CACNA1C: variants seen among roughly 807,000 people sequenced by gnomAD.
The protein encoded by CACNA1C is voltage-dependent L-type calcium channel subunit alpha-1C.
In CACNA1C, 30 loss-of-function variants were observed where a neutral mutation model predicts 229.0. That is an observed-to-expected ratio of 0.13 (90% CI 0.10 to 0.18). The LOEUF (loss-of-function observed/expected upper bound fraction) is 0.18. Among genes scored for constraint, CACNA1C ranks in the 10% least tolerant of loss-of-function variants. CACNA1C has a pLI of 1.00. For missense variants in CACNA1C, 1,658 were observed against 2,845.0 expected, an observed-to-expected ratio of 0.58 and a Z score of 9.49; for synonymous variants, 1,114 against 1,132.5, an observed-to-expected ratio of 0.98 and a Z score of 0.33.
intron 7 of CACNA1C, among the ~76,000 whole-genome samples, chr12:2,502,790 C>G (rs918967330): frequency 6.6e-6 from 1 of 152,214 alleles, no homozygotes; most frequent in Non-Finnish European, 1.5e-5. Flanking sequence ...GCTGCTGAAG[C>G]TGCAAAGCCC....
intron 1 of CACNA1C, among the ~76,000 whole-genome samples, chr12:2,044,436 CA>C (rs139642682): frequency 0.05 from 7,680 of 152,246 alleles, 268 homozygotes; most frequent in Middle Eastern, 0.078. Context: ...TATTATGGAG[CA>C]ATGACCTCTC....
intron 3 of CACNA1C, among the ~76,000 whole-genome samples, chr12:2,327,324 C>A (rs116299849): frequency 6.6e-6 from 1 of 152,190 alleles, no homozygotes; most frequent in Admixed American, 6.5e-5. Context: ...GCAGATCTTA[C>A]GAAATGAAAC....
At chr12:2,162,235 C>T in intron 3 of CACNA1C, among the ~76,000 whole-genome samples, 1 of 151,968 alleles carries the variant, frequency 6.6e-6, no homozygotes, top group Non-Finnish European at 1.5e-5. Context: ...TTAATGAGCT[C>T]CACAAGCACC....
chr12:2,531,285 G>A (rs1262616085), intron 9 of CACNA1C, among the ~76,000 whole-genome samples: 3 of 152,146 alleles, frequency 2.0e-5, no homozygotes, highest in Non-Finnish European at 4.4e-5. Context: ...CAAGCACATG[G>A]TAACCCCCCA....
intron 3 of CACNA1C, among the ~76,000 whole-genome samples, chr12:2,367,169 G>A (rs2097746700): frequency 1.3e-5 from 2 of 152,218 alleles, no homozygotes; most frequent in Non-Finnish European, 2.9e-5. Context: ...TTCCACCTCA[G>A]ATCATCAGGC....
intron 26 of CACNA1C, chr12:2,607,861 T>G (rs2076051669): frequency 6.6e-6 from 1 of 152,254 alleles, no homozygotes; most frequent in African/African-American, 2.4e-5. Context: ...GTCACATTAT[T>G]ATGTGGTAAG....
intron 1 of CACNA1C, among the ~76,000 whole-genome samples, chr12:2,008,125 A>AT (rs1469196465): frequency 9.2e-5 from 14 of 151,780 alleles, no homozygotes; most frequent in Admixed American, 1.3e-4. Flanking sequence ...TTATTTATTT[A>AT]TTTATTTTTT....
chr12:2,159,364 GT>G (rs2095717263), intron 3 of CACNA1C, among the ~76,000 whole-genome samples: 2 of 151,868 alleles, frequency 1.3e-5, no homozygotes, highest in African/African-American at 2.4e-5. Context: ...GTGTGGTAAC[GT>G]GTGCCTGTGG....
rs1565725129 is a variant in CACNA1C at position 2,106,885 on chromosome 12, GCATCCTGAA to G, written c.50-8338_50-8330del. On this transcript the variant is annotated intron_variant, in intron 1 of 46. Coordinates refer to ENST00000399655, the MANE Select transcript of CACNA1C (RefSeq NM_000719.7). ...TGGAGAGGGTTTCCACCTCAGCTGG[GCATCCTGAA>G]GCCACTGGGCGCCCACCCCGGGGAG... Among the ~76,000 whole-genome samples the G allele has an allele frequency of 6.9e-4, 51 of 73,700 alleles. 4 individuals are homozygous for G. The highest frequency in any genetic ancestry group is 1.0e-3 in the South Asian group (2 of 1,974). The allele number at this position is 73,700 out of a possible 152,430, so 48.4% of individuals were successfully genotyped here.
At position 2,034,625 on chromosome 12, in the gene CACNA1C, T is replaced by C. The variant is rs1161244585; in HGVS notation, c.139+63424T>C. Among the ~76,000 whole-genome samples the C allele has an allele frequency of 6.6e-6, 1 of 152,214 alleles. No individual in the cohort carries two copies. Among genetic ancestry groups the C allele is most frequent in the Non-Finnish European group, 1.5e-5 (1 of 68,046 alleles). On this transcript the variant is annotated intron_variant, in intron 1 of 46. Transcript: ENST00000682462. The surrounding 1 kb of genome is among the most constrained non-coding windows in gnomAD (Gnocchi z 4.1). ...CAAAGAGAAGGCCAGTGTAATATGC[T>C]GGTTCAATATCCGACGACTTTGAAA...
chr12:2,083,610 G>A (rs534775050), intron 1 of CACNA1C, among the ~76,000 whole-genome samples: 54 of 152,336 alleles, frequency 3.5e-4, no homozygotes, highest in Non-Finnish European at 6.9e-4. Context: ...TCTCCACATT[G>A]TAAAGAGAAT....
Position 2,585,315 on chromosome 12 carries a change from A to G in CACNA1C, c.2340-61A>G, listed in dbSNP as rs1010009400. On this transcript the variant is annotated intron_variant, in intron 16 of 46. Coordinates refer to ENST00000399655, the MANE Select transcript of CACNA1C (RefSeq NM_000719.7). This position sits in a 1 kb window ranked among gnomAD's most constrained non-coding sequence, Gnocchi z 4.1. ...ACAGGCCACAGGGCGGTTCCCTCCT[A>G]CACTGTTCCCTATCACTCCAGTAAA... 6.4e-7 allele frequency: 1 copy of G among 1,569,940 alleles called. No individual in the cohort carries two copies. The highest frequency in any genetic ancestry group is 1.2e-5 in the South Asian group (1 of 82,012).
At chr12:2,586,717 A>G (rs2153233484) in intron 18 of CACNA1C, among the ~76,000 whole-genome samples, 1 of 152,332 alleles carries the variant, frequency 6.6e-6, no homozygotes, top group Middle Eastern at 3.4e-3. Context: ...TTATGAGCAA[A>G]GCTCGGTTTC....
intron 15 of CACNA1C, among the ~76,000 whole-genome samples, chr12:2,583,209 C>T (rs1332456964): frequency 6.6e-6 from 1 of 152,214 alleles, no homozygotes; most frequent in Non-Finnish European, 1.5e-5. Flanking sequence ...CGCCCCCTGG[C>T]GTTGCGGCGT....
At chr12:2,457,473 A>G (rs1567799441) in intron 4 of CACNA1C, 94 bp from the exon 5 acceptor site, 4 of 1,395,624 alleles carry the variant, frequency 2.9e-6, no homozygotes, top group South Asian at 2.8e-5. Context: ...CGCCTGCGCA[A>G]TCTGCTTTTC....
At chr12:2,574,272 T>C (rs1325386879) in intron 13 of CACNA1C, among the ~76,000 whole-genome samples, 1 of 152,204 alleles carries the variant, frequency 6.6e-6, no homozygotes, top group Non-Finnish European at 1.5e-5. Context: ...TTCTTCCACC[T>C]GTGGCTCTTG....
chr12:2,162,698 G>A (rs1444855950), intron 3 of CACNA1C, among the ~76,000 whole-genome samples: 1 of 151,984 alleles, frequency 6.6e-6, no homozygotes, highest in Non-Finnish European at 1.5e-5. Flanking sequence ...AAGAAGAGTT[G>A]GAGATGATGA....
intron 3 of CACNA1C, among the ~76,000 whole-genome samples, chr12:2,182,402 C>T (rs947953263): frequency 2.6e-5 from 4 of 152,076 alleles, no homozygotes; most frequent in African/African-American, 4.8e-5. Context: ...CAAATCTCTC[C>T]TTATGGGGTT....
At chr12:2,165,151 G>A (rs1301173202) in intron 3 of CACNA1C, among the ~76,000 whole-genome samples, 3 of 152,224 alleles carry the variant, frequency 2.0e-5, no homozygotes, top group Admixed American at 6.5e-5. Context: ...TGACTCTCTA[G>A]AGTCTTAGGT....
Sources: gnomAD v4.1 joint callset for allele counts (sites outside exome capture counted in the v4.1 genomes callset) on GRCh38, gnomAD v4.1.1 for gene constraint, Gnocchi (gnomAD v3.1) non-coding constraint, MANE v1.5 for transcripts, NCBI Gene and HGNC (gene_info 2026-07-23, HGNC 2026-07-21) for gene names.